BORCS8: variants seen among roughly 807,000 people sequenced by gnomAD.
BORCS8 encodes the protein BLOC-1 related complex subunit 8, also known as BLOC-1-related complex subunit 8.
Under a neutral mutation model 18.7 loss-of-function variants are expected in BORCS8, and 13 were observed. The observed-to-expected ratio is 0.70, with a 90% CI of 0.45 to 1.11. The LOEUF (loss-of-function observed/expected upper bound fraction) is 1.11, where lower values mean the gene tolerates loss of function less well. Ranked by LOEUF, BORCS8 falls within the 50% of genes least tolerant of loss-of-function variation. The pLI, the probability that BORCS8 is intolerant of heterozygous loss-of-function variation, is 0.00. For synonymous variants in BORCS8, 68 were observed against 64.8 expected, an observed-to-expected ratio of 1.05 and a Z score of -0.24; for missense variants, 165 against 165.7, an observed-to-expected ratio of 1.00 and a Z score of 0.02.
chr19:19,191,953 C>A, intron 1 of BORCS8, 128 bp downstream of exon 1: 2 of 1,131,784 alleles, frequency 1.8e-6, no homozygotes, highest in Non-Finnish European at 2.6e-6. Flanking sequence ...AACTAGTCAG[C>A]GGCAGAGCTG....
chr19:19,185,665 G>A (rs2060400516), intron 3 of BORCS8, among the ~76,000 whole-genome samples: 1 of 152,224 alleles, frequency 6.6e-6, no homozygotes, highest in African/African-American at 2.4e-5. Context: ...CAGCCTGGGT[G>A]ACAGAGTAAG....
chr19:19,191,061 A>G (rs75508222), intron 1 of BORCS8, among the ~76,000 whole-genome samples: 1 of 152,244 alleles, frequency 6.6e-6, no homozygotes, highest in East Asian at 1.9e-4. Context: ...GATTTAAAGT[A>G]TAGGGGATTA....
chr19:19,185,978 C>A, intron 3 of BORCS8, 56 bp downstream of exon 3: 1 of 1,520,350 alleles, frequency 6.6e-7, no homozygotes, highest in Non-Finnish European at 8.9e-7. Flanking sequence ...CCCTGAATGC[C>A]CAGGAGGCCA....
Position 19,182,395 on chromosome 19 carries a change from G to C in BORCS8, c.326+178C>G, listed in dbSNP as rs2060357725. On this transcript the variant is annotated intron_variant, in intron 4 of 5. Coordinates refer to ENST00000462790, the MANE Select transcript of BORCS8 (RefSeq NM_001145784.2). The surrounding 1 kb of genome is among the most constrained non-coding windows in gnomAD (Gnocchi z 4.1). ...GCACACAGCAGAGCGCAGGACCTCG[G>C]TATTAAGTGACTGAACTCAGGTTAT... 1 of 1,406,360 alleles carries C rather than the reference G, an allele frequency of 7.1e-7. No individual in the cohort carries two copies. Among genetic ancestry groups the C allele is most frequent in the Admixed American group, 2.9e-5 (1 of 34,856 alleles). 87.1% of individuals were successfully genotyped at this position (1,406,360 alleles called of 1,614,324 possible).
chr19:19,180,345 A>C, intron 5 of BORCS8: 1 of 343,244 alleles, frequency 2.9e-6, no homozygotes, highest in Admixed American at 4.6e-5. Context: ...GCACGGGTAA[A>C]GCAGGCTGCT....
At chr19:19,177,696 G>GGAAGGGAAA (rs1376064847) in intron 5 of BORCS8, 34 of 74,804 alleles carry the variant, frequency 4.5e-4, no homozygotes, top group East Asian at 8.5e-4. Flanking sequence ...AAGGAAGGAA[G>GGAAGGGAAA]AGAAAAGAAA....
In BORCS8 at chr19:19,180,746, G is replaced by A. The variant is rs759306562; in HGVS notation, c.342C>T (p.Pro114=). The A allele has an allele frequency of 1.2e-5, 19 of 1,549,886 alleles. No individual in the cohort carries two copies. The South Asian group carries it at 2.3e-4, about 18-fold the overall frequency. Residue 114 remains proline (P), a synonymous_variant, in exon 5 of 6, where the codon CCC becomes CCT. Transcript: ENST00000462790. The part of the protein sequence containing the change: ...SAQGHSPEEP[P]PPSSA ...TCCAGGATCAGGCTGAGGAGGGCGG[G>A]GGTGGTTCCTCCGGGCTGCAACAAA...
intron 3 of BORCS8, among the ~76,000 whole-genome samples, chr19:19,183,676 C>T (rs1167758225): frequency 2.0e-5 from 3 of 150,848 alleles, no homozygotes; most frequent in Non-Finnish European, 4.4e-5. Flanking sequence ...CCTCCGCCTC[C>T]CAGGTTCAAG....
rs1212671462 is a variant in BORCS8 at position 19,177,640 on chromosome 19, AGAAGGAAGGAAGGAAG to A, written c.*43-196_*43-181del. 131 of 103,100 alleles carry A rather than the reference AGAAGGAAGGAAGGAAG, an allele frequency of 1.3e-3. 1 individual carries two copies. Among genetic ancestry groups the A allele is most frequent in the Non-Finnish European group, 2.1e-3 (107 of 52,034 alleles). The allele number at this position is 103,100 out of a possible 1,614,324, so 6.4% of individuals were successfully genotyped here. ...AGATCCTGTCAAAAGAAAGAAAGAA[AGAAGGAAGGAAGGAAG>A]GAAGGAAGGAAGGAAGGAAGGAAGG... On this transcript the variant is annotated intron_variant, in intron 5 of 5. Coordinates refer to ENST00000462790, the MANE Select transcript of BORCS8 (RefSeq NM_001145784.2).
At chr19:19,191,846 C>G (rs1349441651) in intron 1 of BORCS8, among the ~76,000 whole-genome samples, 3 of 152,216 alleles carry the variant, frequency 2.0e-5, no homozygotes, top group African/African-American at 7.2e-5. Context: ...GCTGGGATTA[C>G]AAAGCCACCA....
Position 19,186,945 on chromosome 19 carries a change from T to G in BORCS8, c.98A>C (p.Tyr33Ser), listed in dbSNP as rs1163674312. 4 of 1,551,290 alleles carry G rather than the reference T, an allele frequency of 2.6e-6. No individual in the cohort carries two copies. Among genetic ancestry groups the G allele is most frequent in the Non-Finnish European group, 3.5e-6 (4 of 1,146,910 alleles). ...GCGACGCACATGCTCCTGCAGCCGGTACAGGGCCACGGATGGCTCGTTGGC... is the reference window on the plus strand; with the variant it reads ...GCGACGCACATGCTCCTGCAGCCGGGACAGGGCCACGGATGGCTCGTTGGC... ...VLANEPSVALYRLQEHVRRSL... is the reference protein window; with the variant it reads ...VLANEPSVALSRLQEHVRRSL... Residue 33 changes from tyrosine (Y) to serine (S), a missense_variant, in exon 2 of 6, where the codon TAC becomes TCC. By Grantham distance (144) the Tyr-to-Ser change is moderately radical (BLOSUM62 -2). Transcript: ENST00000462790.
chr19:19,177,924 C>T lies in BORCS8; in HGVS notation c.*43-464G>A, dbSNP rs576911111. 26 of 152,900 alleles carry T rather than the reference C, an allele frequency of 1.7e-4. 1 individual carries two copies. Among genetic ancestry groups the T allele is most frequent in the Middle Eastern group, 6.8e-3 (2 of 296 alleles). The allele number at this position is 152,900 out of a possible 1,614,324, so 9.5% of individuals were successfully genotyped here. ...GCGGGTGCGAAGTCTCGCTCTGTCG[C>T]GCAGGCTGGAGTGCAGTGGCGCCAT... On this transcript the variant is annotated intron_variant, in intron 5 of 5. Coordinates refer to ENST00000462790, the MANE Select transcript of BORCS8 (RefSeq NM_001145784.2).
At chr19:19,190,696 G>C (rs760118389) in intron 1 of BORCS8, among the ~76,000 whole-genome samples, 2 of 152,166 alleles carry the variant, frequency 1.3e-5, no homozygotes, top group African/African-American at 4.8e-5. Flanking sequence ...GCTGAGGCAG[G>C]AGAAACACTT....
Position 19,182,307 on chromosome 19 carries a change from G to T in BORCS8, c.326+266C>A. 2.5e-6 allele frequency: 2 copies of T among 788,310 alleles called. No homozygotes were observed. Among genetic ancestry groups the T allele is most frequent in the Non-Finnish European group, 3.5e-6 (2 of 579,688 alleles). 48.8% of individuals were successfully genotyped at this position (788,310 alleles called of 1,614,324 possible). On this transcript the variant is annotated intron_variant, in intron 4 of 5. Transcript: ENST00000462790. The surrounding 1 kb of genome is among the most constrained non-coding windows in gnomAD (Gnocchi z 4.1). ...TGCCATGTTTACCTGGTTGTCGTATGTCTCCTTGTGAGCCTGTCTGTCTCG... is the reference window on the plus strand; with the variant it reads ...TGCCATGTTTACCTGGTTGTCGTATTTCTCCTTGTGAGCCTGTCTGTCTCG...
intron 4 of BORCS8, chr19:19,181,852 A>T: frequency 1.0e-6 from 1 of 985,402 alleles, no homozygotes; most frequent in African/African-American, 1.7e-5. Flanking sequence ...TCCCAAGGCG[A>T]CATTCCTGCT....
rs1370475965 is a variant in BORCS8 at position 19,192,073 on chromosome 19, C to A, written c.37+8G>T. The stretch of plus-strand genomic sequence containing the variant: ...GCCCCCTCTGTCCCGCCCGCAGGCC[C>A]GCACCACCTTTCTTCCCCTTGAGCT... On this transcript the variant is annotated splice_region_variant and intron_variant, in intron 1 of 5. Transcript: ENST00000462790. 1 of 1,551,308 alleles carries A rather than the reference C, an allele frequency of 6.4e-7. No individual in the cohort carries two copies. The highest frequency in any genetic ancestry group is 8.7e-7 in the Non-Finnish European group (1 of 1,146,836).
chr19:19,184,849 C>A (rs755469342), intron 3 of BORCS8, among the ~76,000 whole-genome samples: 1 of 152,214 alleles, frequency 6.6e-6, no homozygotes, highest in Non-Finnish European at 1.5e-5. Context: ...ATCCTCCCAC[C>A]TCAGACTCCC....
intron 5 of BORCS8, chr19:19,177,692 GGAAGAGA>G (rs2060309185): frequency 2.0e-5 from 1 of 48,894 alleles, no homozygotes; most frequent in Non-Finnish European, 3.9e-5. Context: ...AAGGAAGGAA[GGAAGAGA>G]AAAGAAAAGA....
chr19:19,180,797 G>C (rs893698809), intron 4 of BORCS8, 36 bp from the exon 5 acceptor site: 2 of 1,526,520 alleles, frequency 1.3e-6, no homozygotes, highest in South Asian at 1.2e-5. Flanking sequence ...ATGAGGCCAA[G>C]GTCAGAGGCC....
Sources: gnomAD v4.1 joint callset for allele counts (sites outside exome capture counted in the v4.1 genomes callset) on GRCh38, gnomAD v4.1.1 for gene constraint, Gnocchi (gnomAD v3.1) non-coding constraint, MANE v1.5 for transcripts, NCBI Gene and HGNC (gene_info 2026-07-23, HGNC 2026-07-21) for gene names.